Variants in IQGAP2 observed in about 807,000 individuals in gnomAD.
The protein encoded by IQGAP2 is ras GTPase-activating-like protein IQGAP2.
IQGAP2 carries 173 observed loss-of-function variants against 201.3 expected under a neutral mutation model. The observed-to-expected ratio is 0.86, with a 90% CI of 0.76 to 0.98. The LOEUF (loss-of-function observed/expected upper bound fraction) is 0.98. Among genes scored for constraint, IQGAP2 ranks in the 50% least tolerant of loss-of-function variants. The pLI, the probability that IQGAP2 is intolerant of heterozygous loss-of-function variation, is 0.00. For missense variants in IQGAP2, 1,687 were observed against 1,864.8 expected (o/e 0.90, Z 1.76); for synonymous variants, 675 against 673.9 (o/e 1.00, Z -0.03).
At chr5:76,617,801 C>G (rs768418391) in intron 13 of IQGAP2, 1 of 1,613,582 alleles carries the variant, frequency 6.2e-7, no homozygotes, top group Admixed American at 1.7e-5. Context: ...TGAGGAGACT[C>G]GCCTTAACAT....
intron 19 of IQGAP2, 26 bp downstream of exon 19, chr5:76,654,297 A>G: frequency 6.9e-7 from 1 of 1,451,398 alleles, no homozygotes. Context: ...GTGGGATTTT[A>G]TCCAGGTTGA....
At chr5:76,666,326 TG>T (rs780462249) in intron 22 of IQGAP2, among the ~76,000 whole-genome samples, 3 of 152,246 alleles carry the variant, frequency 2.0e-5, no homozygotes, top group Non-Finnish European at 4.4e-5. Flanking sequence ...GACTTTGGTC[TG>T]CCTAATTTAG....
At chr5:76,629,443 C>G (rs73123726) in intron 14 of IQGAP2, among the ~76,000 whole-genome samples, 1,584 of 152,254 alleles carry the variant, frequency 0.01, 37 homozygotes, top group African/African-American at 0.036. Flanking sequence ...ACTCAAGTCC[C>G]TTTCATTTTG....
intron 12 of IQGAP2, among the ~76,000 whole-genome samples, chr5:76,609,498 C>G (rs777675520): frequency 6.6e-6 from 1 of 152,124 alleles, no homozygotes; most frequent in Non-Finnish European, 1.5e-5. Context: ...ACAGGTAAAT[C>G]TTTTCATTCT....
At chr5:76,495,480 G>A (rs754267344) in intron 2 of IQGAP2, among the ~76,000 whole-genome samples, 1 of 152,214 alleles carries the variant, frequency 6.6e-6, no homozygotes, top group Non-Finnish European at 1.5e-5. Context: ...GCTGGCAGGA[G>A]TAGAGTCTGG....
chr5:76,671,269 A>G (rs928040461), intron 23 of IQGAP2, among the ~76,000 whole-genome samples: 2 of 152,046 alleles, frequency 1.3e-5, no homozygotes, highest in African/African-American at 2.4e-5. Flanking sequence ...TCAAAAAGAA[A>G]AAAAGAAATA....
At chr5:76,433,265 A>G (rs1752475829) in intron 1 of IQGAP2, among the ~76,000 whole-genome samples, 1 of 152,180 alleles carries the variant, frequency 6.6e-6, no homozygotes, top group South Asian at 2.1e-4. Context: ...GCCTAGGCCA[A>G]TGTCCAGAAG....
At chr5:76,460,744 G>A (rs962128909) in intron 1 of IQGAP2, among the ~76,000 whole-genome samples, 3 of 152,092 alleles carry the variant, frequency 2.0e-5, no homozygotes, top group Non-Finnish European at 4.4e-5. Flanking sequence ...TCAATGCTGT[G>A]GGGTGAGGTC....
Position 76,433,306 on chromosome 5 carries a change from T to A in IQGAP2, c.47-28264T>A, listed in dbSNP as rs189592825. Among the ~76,000 whole-genome samples the A allele has an allele frequency of 2.0e-4, 31 of 152,314 alleles. No individual in the cohort carries two copies. The East Asian group carries it at 3.5e-3, about 17-fold the overall frequency. Reference sequence around the variant, plus strand: ...TTCCTGGGTTTTATTCTAGAACTTTTATGGTTTTAGGTCTTAGATTTAAGT... The same window carrying A: ...TTCCTGGGTTTTATTCTAGAACTTTAATGGTTTTAGGTCTTAGATTTAAGT... On this transcript the variant is annotated intron_variant, in intron 1 of 35. Coordinates refer to ENST00000274364, the MANE Select transcript of IQGAP2 (RefSeq NM_006633.5).
chr5:76,485,799 T>G (rs1456034544), intron 2 of IQGAP2, among the ~76,000 whole-genome samples: 1 of 152,322 alleles, frequency 6.6e-6, no homozygotes, highest in Non-Finnish European at 1.5e-5. Context: ...CACTGCTGGG[T>G]CTGTCCTGTT....
At chr5:76,606,493 A>G (rs1747816255) in intron 12 of IQGAP2, 190 bp downstream of exon 12, 2 of 352,862 alleles carry the variant, frequency 5.7e-6, no homozygotes, top group Non-Finnish European at 1.0e-5. Context: ...TATAAACGTT[A>G]CAAAGCCTAC....
chr5:76,589,020 G>A (rs75749150), intron 6 of IQGAP2, 47 bp downstream of exon 6: 3 of 1,353,942 alleles, frequency 2.2e-6, no homozygotes, highest in African/African-American at 2.9e-5. Context: ...GTTATAAAAA[G>A]TACCAATACC....
At chr5:76,638,520 T>C (rs1393357702) in intron 16 of IQGAP2, among the ~76,000 whole-genome samples, 1 of 152,006 alleles carries the variant, frequency 6.6e-6, no homozygotes, top group East Asian at 1.9e-4. Context: ...CCTAATTCCC[T>C]CCCAAATATT....
At chr5:76,660,547 T>C (rs1743158346) in intron 21 of IQGAP2, among the ~76,000 whole-genome samples, 1 of 152,252 alleles carries the variant, frequency 6.6e-6, no homozygotes, top group Non-Finnish European at 1.5e-5. Flanking sequence ...AAAGGCTTAG[T>C]TGCAAATCAG....
Position 76,590,534 on chromosome 5 carries a change from A to G in IQGAP2, c.767A>G (p.Gln256Arg), listed in dbSNP as rs760759890. 7 of 1,613,260 alleles carry G rather than the reference A, an allele frequency of 4.3e-6. No individual in the cohort carries two copies. The highest frequency in any genetic ancestry group is 2.2e-5 in the East Asian group (1 of 44,854). Residue 256 changes from glutamine to arginine, a missense_variant, in exon 8 of 36, where the codon CAG becomes CGG. By Grantham distance (43) the Gln-to-Arg change is conservative. Coordinates refer to ENST00000274364, the MANE Select transcript of IQGAP2 (RefSeq NM_006633.5). ...LVDDNLAPEY[Q>R]KELWDAKKKK... ...GATGACAACCTTGCACCAGAATATCAGAAAGAACTCTGGGATGCCAAAAAG... is the reference window on the plus strand; with the variant it reads ...GATGACAACCTTGCACCAGAATATCGGAAAGAACTCTGGGATGCCAAAAAG...
intron 6 of IQGAP2, 68 bp from the exon 7 acceptor site, chr5:76,589,547 C>G (rs1746497939): frequency 2.5e-6 from 2 of 808,118 alleles, no homozygotes; most frequent in South Asian, 3.8e-5. Context: ...TGATTGTACT[C>G]ATTCCTGCAT....
intron 13 of IQGAP2, among the ~76,000 whole-genome samples, chr5:76,623,802 T>C (rs1580649079): frequency 6.6e-6 from 1 of 152,216 alleles, no homozygotes; most frequent in African/African-American, 2.4e-5. Context: ...GAAATTCAAA[T>C]TGAGCGGTGA....
At chr5:76,439,039 C>G (rs539361648) in intron 1 of IQGAP2, among the ~76,000 whole-genome samples, 1 of 90,836 alleles carries the variant, frequency 1.1e-5, no homozygotes, top group Non-Finnish European at 2.1e-5. Flanking sequence ...ATCCCAGAGG[C>G]TTTGATAACT....
Position 76,526,363 on chromosome 5 carries a change from C to T in IQGAP2, c.147-36033C>T, listed in dbSNP as rs77818859. Reference sequence around the variant, plus strand: ...AGGTAGGGGCAGACTTTATGCTAGGCAGGGAACTCAAAGATTACACTGAAA... The same window carrying T: ...AGGTAGGGGCAGACTTTATGCTAGGTAGGGAACTCAAAGATTACACTGAAA... On this transcript the variant is annotated intron_variant, in intron 2 of 35. Transcript: ENST00000274364. Among the ~76,000 whole-genome samples, 23 of 152,262 alleles carry T rather than the reference C, an allele frequency of 1.5e-4. No individual in the cohort carries two copies. The East Asian group carries it at 4.0e-3, about 27-fold the overall frequency.
Sources: allele counts gnomAD v4.1 joint callset (sites outside exome capture counted in the v4.1 genomes callset), GRCh38; gene constraint gnomAD v4.1.1; transcripts MANE v1.5; gene names NCBI Gene and HGNC (gene_info 2026-07-23, HGNC 2026-07-21).